MPP7: variants seen among roughly 807,000 people sequenced by gnomAD.
MPP7 encodes the protein MAGUK p55 scaffold protein 7.
MPP7 carries 60 observed loss-of-function variants against 76.5 expected under a neutral mutation model. The ratio of observed to expected loss-of-function variants is 0.78; its 90% CI spans 0.64 to 0.97. MPP7 has a LOEUF of 0.97. MPP7 is among the 50% of genes least tolerant of loss of function. The pLI is 0.00. For missense variants in MPP7, 641 were observed against 694.0 expected, an observed-to-expected ratio of 0.92 and a Z score of 0.86; for synonymous variants, 237 against 244.5, an observed-to-expected ratio of 0.97 and a Z score of 0.29.
chr10:28,092,590 T>TTTTTTTTTTTTTA (rs1564626660), intron 11 of MPP7, among the ~76,000 whole-genome samples: 1 of 149,524 alleles, frequency 6.7e-6, no homozygotes, highest in African/African-American at 2.5e-5. Flanking sequence ...TTTTTTTTTT[T>TTTTTTTTTTTTTA]GAGACAGGGA....
At chr10:28,247,579 T>A (rs1473336960) in intron 1 of MPP7, among the ~76,000 whole-genome samples, 8 of 152,232 alleles carry the variant, frequency 5.3e-5, no homozygotes, top group Admixed American at 3.9e-4. Flanking sequence ...TGGTCTATCT[T>A]TATACTCCTA....
chr10:28,279,379 T>G (rs970001126), intron 1 of MPP7, among the ~76,000 whole-genome samples: 3 of 152,062 alleles, frequency 2.0e-5, no homozygotes, highest in Non-Finnish European at 4.4e-5. Flanking sequence ...GAGGTGAATC[T>G]CTGATTGGTC....
At chr10:28,126,356 T>TGTC in intron 6 of MPP7, among the ~76,000 whole-genome samples, 2 of 152,338 alleles carry the variant, frequency 1.3e-5, no homozygotes, top group South Asian at 4.1e-4. Context: ...ATTAGTTTGA[T>TGTC]TAAATCAACT....
At chr10:28,113,952 C>G (rs1461662028) in intron 11 of MPP7, among the ~76,000 whole-genome samples, 1 of 152,192 alleles carries the variant, frequency 6.6e-6, no homozygotes, top group Non-Finnish European at 1.5e-5. Context: ...CATCCCTCCC[C>G]AAAGCTTCGG....
rs373046029 is a variant in MPP7 at position 28,246,022 on chromosome 10, T to C, written c.-131-7287A>G. Among the ~76,000 whole-genome samples, 15 of 152,004 alleles carry C rather than the reference T, an allele frequency of 9.9e-5. No individual in the cohort carries two copies. In the East Asian group the frequency reaches 2.7e-3, roughly 28 times the overall value. On this transcript the variant is annotated intron_variant, in intron 1 of 16. Coordinates refer to ENST00000683449, the MANE Select transcript of MPP7 (RefSeq NM_001318170.2). ...ATCAAGCAGATGAATATACGCACTA[T>C]GGGAGTCTGAGAAGAACAGAGAAAG...
chr10:28,180,513 G>A (rs1159397347), intron 3 of MPP7, among the ~76,000 whole-genome samples: 2 of 152,102 alleles, frequency 1.3e-5, no homozygotes, highest in African/African-American at 2.4e-5. Context: ...CTCATGCAAT[G>A]TTAATAACTA....
At chr10:28,132,244 C>T (rs913074030) in intron 5 of MPP7, among the ~76,000 whole-genome samples, 8 of 151,926 alleles carry the variant, frequency 5.3e-5, no homozygotes, top group African/African-American at 1.9e-4. Flanking sequence ...GAATGTAATT[C>T]TACACCAAAG....
intron 3 of MPP7, 23 bp from the exon 4 acceptor site, chr10:28,150,082 T>C: frequency 6.5e-7 from 1 of 1,548,936 alleles, no homozygotes; most frequent in South Asian, 1.1e-5. Flanking sequence ...CAAATGCATA[T>C]AAGTTCACCT....
chr10:28,196,173 T>C (rs1413890801), intron 3 of MPP7, among the ~76,000 whole-genome samples: 3 of 152,154 alleles, frequency 2.0e-5, no homozygotes, highest in African/African-American at 7.2e-5. Flanking sequence ...AACATAATTA[T>C]CCTCAGTTCA....
At chr10:28,200,192 G>A (rs1411072300) in intron 3 of MPP7, among the ~76,000 whole-genome samples, 1 of 152,136 alleles carries the variant, frequency 6.6e-6, no homozygotes, top group Admixed American at 6.5e-5. Flanking sequence ...CCAGGAACCT[G>A]CCTCCTGAAA....
chr10:28,323,692 T>TAATA (rs3064198), intron 2 of MPP7, among the ~76,000 whole-genome samples: 43 of 134,990 alleles, frequency 3.2e-4, no homozygotes, highest in Non-Finnish European at 5.2e-4. Context: ...ACACAAAAAA[T>TAATA]AATAAATAAA....
intron 11 of MPP7, among the ~76,000 whole-genome samples, chr10:28,092,828 C>T (rs1200463875): frequency 6.7e-6 from 1 of 150,242 alleles, no homozygotes; most frequent in Non-Finnish European, 1.5e-5. Flanking sequence ...GATCCGCCCA[C>T]CTCAGCCTCC....
intron 13 of MPP7, 78 bp from the exon 14 acceptor site, chr10:28,059,821 T>C (rs1851706288): frequency 1.0e-6 from 1 of 957,982 alleles, no homozygotes; most frequent in Non-Finnish European, 1.6e-6. Context: ...AAATCAAGGG[T>C]ATTTAATTAG....
chr10:28,172,850 T>G (rs1283738562), intron 3 of MPP7, among the ~76,000 whole-genome samples: 1 of 152,188 alleles, frequency 6.6e-6, no homozygotes, highest in Non-Finnish European at 1.5e-5. Context: ...AATGGTTATT[T>G]TGTTGAATGA....
intron 1 of MPP7, among the ~76,000 whole-genome samples, chr10:28,294,319 G>A (rs78614054): frequency 0.026 from 4,006 of 152,262 alleles, 73 homozygotes; most frequent in Middle Eastern, 0.044. Context: ...GAAGAACTGC[G>A]TTCAAGGTCA....
intron 12 of MPP7, among the ~76,000 whole-genome samples, chr10:28,082,541 C>G (rs921872727): frequency 6.6e-6 from 1 of 152,106 alleles, no homozygotes; most frequent in Non-Finnish European, 1.5e-5. Context: ...TCTGTAATCT[C>G]TAATTCACTG....
chr10:28,138,095 ATCT>A (rs1163684250), intron 5 of MPP7, among the ~76,000 whole-genome samples: 6 of 152,188 alleles, frequency 3.9e-5, no homozygotes, highest in East Asian at 1.9e-4. Context: ...ATTACAACAA[ATCT>A]TCTTATTTTA....
intron 1 of MPP7, among the ~76,000 whole-genome samples, chr10:28,250,942 T>A (rs1242871185): frequency 6.6e-6 from 1 of 152,240 alleles, no homozygotes; most frequent in African/African-American, 2.4e-5. Flanking sequence ...ATATGACTAT[T>A]CAGCAATTCC....
intron 1 of MPP7, among the ~76,000 whole-genome samples, chr10:28,262,154 A>G (rs554865044): frequency 6.9e-6 from 1 of 144,304 alleles, no homozygotes; most frequent in Non-Finnish European, 1.5e-5. Context: ...TGTCTCAAAA[A>G]AAAGAAAAAG....
Sources: gnomAD v4.1 joint callset for allele counts (sites outside exome capture counted in the v4.1 genomes callset) on GRCh38, gnomAD v4.1.1 for gene constraint, MANE v1.5 for transcripts, NCBI Gene and HGNC (gene_info 2026-07-23, HGNC 2026-07-21) for gene names.